Variants in ZNF585B observed in about 807,000 individuals in gnomAD.
The protein encoded by ZNF585B is zinc finger protein 41-like protein.
A neutral mutation model predicts 14.0 loss-of-function variants in ZNF585B; 7 were observed. That is an observed-to-expected ratio of 0.50 (90% CI 0.28 to 0.94). ZNF585B has a LOEUF of 0.94. Among genes scored for constraint, ZNF585B ranks in the 40% least tolerant of loss-of-function variants. The probability of loss-of-function intolerance (pLI) is 0.09; values close to 1 mark genes in which losing one functional copy is unlikely to be tolerated. For missense variants in ZNF585B, 750 were observed against 924.4 expected (o/e 0.81, Z 2.45); for synonymous variants, 290 against 317.3 (o/e 0.91, Z 0.91).
At chr19:37,203,197 T>C (rs1453582035) in intron 2 of ZNF585B, among the ~76,000 whole-genome samples, 1 of 152,208 alleles carries the variant, frequency 6.6e-6, no homozygotes, top group African/African-American at 2.4e-5. Context: ...ATTCTTTTTG[T>C]AACTTCTTCA....
chr19:37,183,327 CAA>C lies in ZNF585B; in HGVS notation c.*1898_*1899del, dbSNP rs1234445451. ...CTCCCTATTAGCGCTTCTTATGCTG[CAA>C]CACAGAAAAAAATCAGACAGAAGTC... is the stretch of plus-strand genomic sequence containing the variant. On this transcript the variant is annotated 3_prime_UTR_variant, in exon 5 of 5. Transcript: ENST00000532828. 6.6e-6 allele frequency: 1 copy of C among 152,140 alleles called. No homozygotes were observed. Among genetic ancestry groups the C allele is most frequent in the African/African-American group, 2.4e-5 (1 of 41,398 alleles). The allele number at this position is 152,140 out of a possible 1,614,324, so 9.4% of individuals were successfully genotyped here. A position where few individuals can be genotyped will look rare whatever the true frequency, so the allele number is the denominator to read the frequency against.
rs2145427379 is a variant in ZNF585B, at chr19:37,183,703, G to A, written c.*1524C>T. On this transcript the variant is annotated 3_prime_UTR_variant, in exon 5 of 5. Coordinates refer to ENST00000532828, the MANE Select transcript of ZNF585B (RefSeq NM_152279.4). ...GGCCCTGAGTCAGGAACTGATGTTT[G>A]AGGCACATGGCGGGGAAGGTCCTTG... The A allele has an allele frequency of 6.6e-6, 1 of 152,436 alleles. No individual in the cohort carries two copies. Among genetic ancestry groups the A allele is most frequent in the South Asian group, 2.1e-4 (1 of 4,824 alleles). The allele number at this position is 152,436 out of a possible 1,614,324, so 9.4% of individuals were successfully genotyped here.
intron 2 of ZNF585B, among the ~76,000 whole-genome samples, chr19:37,205,713 AT>A (rs1256364457): frequency 6.6e-6 from 1 of 152,182 alleles, no homozygotes; most frequent in Non-Finnish European, 1.5e-5. Flanking sequence ...AACTAGGTAT[AT>A]GCATTGCCTA....
intron 2 of ZNF585B, among the ~76,000 whole-genome samples, chr19:37,195,012 C>A (rs1410849590): frequency 6.6e-6 from 1 of 151,902 alleles, no homozygotes; most frequent in Admixed American, 6.6e-5. Flanking sequence ...AGTTAAATGA[C>A]CTATAGGTCA....
At position 37,185,440 on chromosome 19, in the gene ZNF585B, G is replaced by A; in HGVS notation, c.2097C>T (p.Phe699=). ...GCACTTGGAGCTGTGATTTTTTAGTGAAAGACTTCCCACAGTCACTGCACT... is the reference window on the plus strand; with the variant it reads ...GCACTTGGAGCTGTGATTTTTTAGTAAAAGACTTCCCACAGTCACTGCACT... ...PYECSDCGKS[F]TKKSQLQVHQ... is the part of the protein sequence containing the mutation. Residue 699 remains phenylalanine, a synonymous_variant, in exon 5 of 5, where the codon TTC becomes TTT. Transcript: ENST00000532828. 1 of 1,612,868 alleles carries A rather than the reference G, an allele frequency of 6.2e-7. No individual in the cohort carries two copies. Among genetic ancestry groups the A allele is most frequent in the South Asian group, 1.1e-5 (1 of 90,996 alleles).
intron 4 of ZNF585B, 77 bp downstream of exon 4, chr19:37,189,584 C>G: frequency 1.9e-6 from 3 of 1,540,412 alleles, no homozygotes; most frequent in Non-Finnish European, 2.7e-6. Context: ...TTCACAGGTT[C>G]CAGTGTTTTT....
intron 1 of ZNF585B, among the ~76,000 whole-genome samples, chr19:37,208,240 G>A (rs555054607): frequency 3.9e-5 from 6 of 152,162 alleles, no homozygotes; most frequent in South Asian, 2.1e-4. Context: ...CAAAGTGCTG[G>A]GATTACAGGC....
At chr19:37,205,193 GC>G (rs1972573541) in intron 2 of ZNF585B, among the ~76,000 whole-genome samples, 1 of 152,072 alleles carries the variant, frequency 6.6e-6, no homozygotes, top group Admixed American at 6.6e-5. Flanking sequence ...GAACGACCGT[GC>G]CCAGCCAACT....
chr19:37,191,141 A>T (rs1401903045), intron 2 of ZNF585B, among the ~76,000 whole-genome samples: 1 of 152,242 alleles, frequency 6.6e-6, no homozygotes, highest in African/African-American at 2.4e-5. Flanking sequence ...TGTTAACCTG[A>T]TAAGGTAAAA....
rs758913052 is a variant in ZNF585B, at chr19:37,190,121, G to A, written c.102C>T (p.Ile34=). 8 of 1,614,186 alleles carry A rather than the reference G, an allele frequency of 5.0e-6. No homozygotes were observed. The highest frequency in any genetic ancestry group is 1.1e-5 in the South Asian group (1 of 91,074). Residue 34 remains isoleucine (I), a synonymous_variant, in exon 3 of 5, where the codon ATC becomes ATT. Transcript: ENST00000532828. ...GCCGCCATTCCTCTCTGCTGAAATC[G>A]ATAGCCACATCCCTGAAGGACACTG... The part of the protein sequence containing the change: ...EGSVSFRDVA[I]DFSREEWRHL...
At chr19:37,196,109 A>G (rs1439294994) in intron 2 of ZNF585B, 1 of 152,216 alleles carries the variant, frequency 6.6e-6, no homozygotes, top group Non-Finnish European at 1.5e-5. Flanking sequence ...GACCTCTTCC[A>G]AATTAACTTT....
intron 2 of ZNF585B, among the ~76,000 whole-genome samples, chr19:37,206,779 C>T (rs915767926): frequency 1.3e-5 from 2 of 152,186 alleles, no homozygotes; most frequent in African/African-American, 2.4e-5. Flanking sequence ...GCCAAAACAT[C>T]AATATAGCGT....
Position 37,184,470 on chromosome 19 carries a change from AAGAAAGAAAGAAAG to A in ZNF585B, c.*743_*756del, listed in dbSNP as rs1447538956. 2 of 116,102 alleles carry A rather than the reference AAGAAAGAAAGAAAG, an allele frequency of 1.7e-5. No homozygotes were observed. The highest frequency in any genetic ancestry group is 4.4e-4 in the East Asian group (2 of 4,564). 7.2% of individuals were successfully genotyped at this position (116,102 alleles called of 1,614,324 possible). On this transcript the variant is annotated 3_prime_UTR_variant, in exon 5 of 5. Transcript: ENST00000532828. ...AAAGAAAGAAAGAAAGAAAGAAAGA[AAGAAAGAAAGAAAG>A]AAAGAAAGAAAGAAAGAAAGAGAAA...
Position 37,186,846 on chromosome 19 carries a change from T to A in ZNF585B, c.691A>T (p.Ile231Leu), listed in dbSNP as rs45626541. ...KGFPYNSDLS[I>L]HEKIHTGERH... ...TCTCCAGTATGAATTTTCTCATGTA[T>A]ACTGAGATCTGAGTTATAAGGGAAA... The change falls in exon 5 of 5, where the codon ATA becomes TTA. Residue 231 changes from isoleucine to leucine, a missense_variant. Physicochemically the swap from Ile to Leu is conservative, Grantham distance 5. Coordinates refer to ENST00000532828, the MANE Select transcript of ZNF585B (RefSeq NM_152279.4). 550,024 of 1,600,078 alleles carry A rather than the reference T, an allele frequency of 0.34. 90,233 individuals are homozygous for A. Among genetic ancestry groups the A allele is most frequent in the Non-Finnish European group, 0.36 (420,690 of 1,168,236 alleles).
chr19:37,187,692 A>C (rs535853435), intron 4 of ZNF585B, among the ~76,000 whole-genome samples: 1 of 152,274 alleles, frequency 6.6e-6, no homozygotes, highest in African/African-American at 2.4e-5. Flanking sequence ...AAGGGATAAT[A>C]AGTCACTTTT....
intron 1 of ZNF585B, among the ~76,000 whole-genome samples, chr19:37,207,715 GT>G (rs1972599994): frequency 6.6e-6 from 1 of 152,128 alleles, no homozygotes; most frequent in Admixed American, 6.6e-5. Context: ...TGCTTTTAAA[GT>G]ACTCAATGCC....
At chr19:37,204,443 ATC>A (rs994603446) in intron 2 of ZNF585B, among the ~76,000 whole-genome samples, 8 of 152,360 alleles carry the variant, frequency 5.3e-5, no homozygotes, top group African/African-American at 1.9e-4. Flanking sequence ...AACAAGACCA[ATC>A]TCTGACCATC....
chr19:37,195,413 A>G (rs903918392), intron 2 of ZNF585B, among the ~76,000 whole-genome samples: 7 of 150,710 alleles, frequency 4.6e-5, no homozygotes, highest in Admixed American at 1.3e-4. Flanking sequence ...AAAAAAGTCA[A>G]TAAAACACAA....
intron 2 of ZNF585B, among the ~76,000 whole-genome samples, chr19:37,193,544 G>A (rs921260400): frequency 4.6e-5 from 7 of 151,526 alleles, no homozygotes; most frequent in South Asian, 4.2e-4. Context: ...TTGGGAGGCC[G>A]AAGTGGGTGG....
Sources: gnomAD v4.1 joint callset for allele counts (sites outside exome capture counted in the v4.1 genomes callset) on GRCh38, gnomAD v4.1.1 for gene constraint, MANE v1.5 for transcripts, NCBI Gene and HGNC (gene_info 2026-07-23, HGNC 2026-07-21) for gene names.